The following EHMT2 variants were observed in gnomAD, a reference collection of about 807,000 sequenced individuals.
The protein encoded by EHMT2 is histone-lysine N-methyltransferase EHMT2.
In EHMT2, 59 loss-of-function variants were observed where a neutral mutation model predicts 143.3. That is an observed-to-expected ratio of 0.41 (90% CI 0.33 to 0.51). EHMT2 has a LOEUF of 0.51. Among genes scored for constraint, EHMT2 ranks in the 20% least tolerant of loss-of-function variants. The pLI is 0.18. For synonymous variants in EHMT2, 604 were observed against 651.5 expected, an observed-to-expected ratio of 0.93 and a Z score of 1.11; for missense variants, 1,174 against 1,645.9, an observed-to-expected ratio of 0.71 and a Z score of 4.96.
rs1283726740 is a variant in EHMT2, at chr6:31,880,821, GGGCATCTAT to G, written c.3295_3303del (p.Ile1099_Ala1101del). 1 of 1,613,662 alleles carries G rather than the reference GGGCATCTAT, an allele frequency of 6.2e-7. No individual in the cohort carries two copies. Among genetic ancestry groups the G allele is most frequent in the Non-Finnish European group, 8.5e-7 (1 of 1,180,006 alleles). ...AAGCGGCTGATGTTGCCATAGTAAC[GGGCATCTAT>G]GCAGTACACCTCTCCATCCTGGGGC... is the stretch of plus-strand genomic sequence containing the variant. On this transcript the variant is annotated inframe_deletion, in exon 27 of 28. Coordinates refer to ENST00000375537, the Ensembl canonical transcript of EHMT2. This position sits in a 1 kb window ranked among gnomAD's most constrained non-coding sequence, Gnocchi z 6.6.
At chr6:31,896,987 C>T (rs1199219747) in exon 2 of EHMT2, 2 of 1,568,174 alleles carry the variant, frequency 1.3e-6, no homozygotes, top group Admixed American at 2.0e-5. Context: ...CGGGGGCCTC[C>T]CCCTGGGAGG....
intron 1 of EHMT2, chr6:31,897,247 CGCCCCGG>C: frequency 9.1e-7 from 1 of 1,097,932 alleles, no homozygotes; most frequent in Non-Finnish European, 1.2e-6. Context: ...GGGGCCTCCG[CGCCCCGG>C]CCCCGCCCCC....
In EHMT2 at chr6:31,881,221, G is replaced by A. The variant is rs1764061925; in HGVS notation, c.3198-129C>T. 3.7e-6 allele frequency: 3 copies of A among 800,300 alleles called. No homozygotes were observed. The highest frequency in any genetic ancestry group is 6.4e-6 in the Non-Finnish European group (3 of 465,864). 49.6% of individuals were successfully genotyped at this position (800,300 alleles called of 1,614,324 possible). On this transcript the variant is annotated intron_variant, in intron 25 of 27. Transcript: ENST00000375537. This position sits in a 1 kb window ranked among gnomAD's most constrained non-coding sequence, Gnocchi z 4.8. ...GGCTGGCAGGTGTGGGGAAGGGAAG[G>A]CCTGGAGCAGCAGTGGTGGGCAAGT...
chr6:31,892,175 GA>G, intron 7 of EHMT2, among the ~76,000 whole-genome samples: 1 of 152,324 alleles, frequency 6.6e-6, no homozygotes, highest in East Asian at 1.9e-4. Flanking sequence ...CCTGGAGACA[GA>G]GGTTGCAGTG....
intron 7 of EHMT2, among the ~76,000 whole-genome samples, chr6:31,890,519 G>C (rs1765544834): frequency 6.6e-6 from 1 of 150,818 alleles, no homozygotes; most frequent in South Asian, 2.1e-4. Context: ...CCAAAGTGCT[G>C]GGATTACAGG....
intron 1 of EHMT2, 21 bp downstream of exon 1, chr6:31,897,615 T>G: frequency 7.0e-6 from 8 of 1,140,918 alleles, no homozygotes; most frequent in Non-Finnish European, 8.6e-6. Flanking sequence ...TGCACCCGCC[T>G]CTCCCCCTCC....
At chr6:31,896,267 C>A (rs771964671) in exon 4 of EHMT2, 3 of 1,611,564 alleles carry the variant, frequency 1.9e-6, no homozygotes, top group East Asian at 4.5e-5. Flanking sequence ...ACTCACCTGT[C>A]CATTTCCTGG....
At position 31,880,648 on chromosome 6, in the gene EHMT2, C is replaced by T. The variant is rs1345529535; in HGVS notation, c.3452+25G>A. The T allele has an allele frequency of 6.2e-7, 1 of 1,610,174 alleles. No individual in the cohort carries two copies. The highest frequency in any genetic ancestry group is 2.2e-5 in the East Asian group (1 of 44,828). ...CTGCATCTCCCACCCCCTGGCAGAG[C>T]CCCTAGAGACCCCTAGAGTCTCACC... On this transcript the variant is annotated intron_variant, in intron 27 of 27. Transcript: ENST00000375537. The surrounding 1 kb of genome is among the most constrained non-coding windows in gnomAD (Gnocchi z 6.6).
chr6:31,880,882 C>A lies in EHMT2; in HGVS notation c.3277-34G>T. ...GGGGGATGGCACTCTTCACATCTCC[C>A]CCGACCCTGCTTGCCCTCCCCACCC... is the stretch of plus-strand genomic sequence containing the variant. On this transcript the variant is annotated intron_variant, in intron 26 of 27. Transcript: ENST00000375537. This position sits in a 1 kb window ranked among gnomAD's most constrained non-coding sequence, Gnocchi z 6.6. 6.2e-7 allele frequency: 1 copy of A among 1,611,812 alleles called. No homozygotes were observed. The highest frequency in any genetic ancestry group is 1.1e-5 in the South Asian group (1 of 91,036).
chr6:31,895,376 T>A (rs985656287), intron 4 of EHMT2: 2 of 151,984 alleles, frequency 1.3e-5, no homozygotes, highest in African/African-American at 2.4e-5. Flanking sequence ...TTTTAAAAAA[T>A]TTTTATCTTT....
chr6:31,892,636 CT>C, intron 6 of EHMT2, 57 bp downstream of exon 6: 1 of 1,612,922 alleles, frequency 6.2e-7, no homozygotes, highest in Non-Finnish European at 8.5e-7. Context: ...GCAGCCCCAC[CT>C]CTGACCCTCC....
At chr6:31,897,691 G>A (rs911416432), upstream of EHMT2, 7 of 1,096,156 alleles carry the variant, frequency 6.4e-6, no homozygotes, top group African/African-American at 6.6e-5. Flanking sequence ...CGCTTGCGCT[G>A]GGGGCCGAGC....
At position 31,888,351 on chromosome 6, in the gene EHMT2, C is replaced by A. The variant is rs1419091054; in HGVS notation, c.1509+12G>T. On this transcript the variant is annotated intron_variant, in intron 12 of 27. Transcript: ENST00000375537. This position sits in a 1 kb window ranked among gnomAD's most constrained non-coding sequence, Gnocchi z 7.4. ...CAGGGCATGCTACCTGTCTGCCCCA[C>A]TGGTCACTCACCGCCGTGCAGAAGT... 1.2e-6 allele frequency: 2 copies of A among 1,612,072 alleles called. No individual in the cohort carries two copies. Among genetic ancestry groups the A allele is most frequent in the Non-Finnish European group, 1.7e-6 (2 of 1,179,570 alleles).
Position 31,881,276 on chromosome 6 carries a change from G to T in EHMT2, c.3198-184C>A, listed in dbSNP as rs1402428967. The T allele has an allele frequency of 1.5e-6, 1 of 649,446 alleles. No homozygotes were observed. Among genetic ancestry groups the T allele is most frequent in the Non-Finnish European group, 2.8e-6 (1 of 359,998 alleles). 40.2% of individuals were successfully genotyped at this position (649,446 alleles called of 1,614,324 possible). On this transcript the variant is annotated intron_variant, in intron 25 of 27. Transcript: ENST00000375537. The surrounding 1 kb of genome is among the most constrained non-coding windows in gnomAD (Gnocchi z 4.8). ...GGGCAGCATTCCAGCCTTGACAGAG[G>T]AAGCCTTCAGTCAGCACAGAGACAG...
chr6:31,881,559 G>A lies in EHMT2; in HGVS notation c.3198-467C>T, dbSNP rs1241333189. 4.5e-6 allele frequency: 1 copy of A among 220,148 alleles called. No homozygotes were observed. The allele number at this position is 220,148 out of a possible 1,614,324, so 13.6% of individuals were successfully genotyped here. A position where few individuals can be genotyped will look rare whatever the true frequency, so the allele number is the denominator to read the frequency against. On this transcript the variant is annotated intron_variant, in intron 25 of 27. Coordinates refer to ENST00000375537, the Ensembl canonical transcript of EHMT2. The surrounding 1 kb of genome is among the most constrained non-coding windows in gnomAD (Gnocchi z 4.8). Reference sequence around the variant, plus strand: ...AGGAGAGGAGCCAGCTATCTAAGGAGGGTGAGCAGACATGGGAGATTCAGA... The same window carrying A: ...AGGAGAGGAGCCAGCTATCTAAGGAAGGTGAGCAGACATGGGAGATTCAGA...
chr6:31,889,075 CACAGAG>C lies in EHMT2; in HGVS notation c.1115-11_1115-6del. 1 of 1,600,200 alleles carries C rather than the reference CACAGAG, an allele frequency of 6.2e-7. No homozygotes were observed. Among genetic ancestry groups the C allele is most frequent in the East Asian group, 2.2e-5 (1 of 44,522 alleles). On this transcript the variant is annotated splice_polypyrimidine_tract_variant and splice_region_variant and intron_variant, in intron 9 of 27. Coordinates refer to ENST00000375537, the Ensembl canonical transcript of EHMT2. The surrounding 1 kb of genome is among the most constrained non-coding windows in gnomAD (Gnocchi z 5.1). ...AGGAGCCCACACCATTCACTCCTGA[CACAGAG>C]ACAGAGAGAGTGAGAGTGCGAGCTC...
rs1055195700 is a variant in EHMT2 at position 31,883,234 on chromosome 6, C to G, written c.2994+128G>C. The G allele has an allele frequency of 2.9e-6, 3 of 1,050,676 alleles. No homozygotes were observed. Among genetic ancestry groups the G allele is most frequent in the Non-Finnish European group, 4.3e-6 (3 of 705,422 alleles). 65.1% of individuals were successfully genotyped at this position (1,050,676 alleles called of 1,614,324 possible). A position where few individuals can be genotyped will look rare whatever the true frequency, so the allele number is the denominator to read the frequency against. On this transcript the variant is annotated intron_variant, in intron 23 of 27. Coordinates refer to ENST00000375537, the Ensembl canonical transcript of EHMT2. This position sits in a 1 kb window ranked among gnomAD's most constrained non-coding sequence, Gnocchi z 5.6. ...CATCCCAGGATTCCCAGGCCTTGCC[C>G]AGTCCTCTCAGTCACTTCCCCCACA... is the stretch of plus-strand genomic sequence containing the variant.
intron 4 of EHMT2, chr6:31,895,274 A>G (rs1243318918): frequency 6.6e-6 from 1 of 152,244 alleles, no homozygotes; most frequent in East Asian, 1.9e-4. Context: ...GACAAAGAAC[A>G]ATGTATAGCA....
chr6:31,896,823 A>T (rs1766540937), exon 3 of EHMT2: 2 of 1,612,762 alleles, frequency 1.2e-6, no homozygotes, highest in Non-Finnish European at 1.7e-6. Context: ...AAGAGCCATG[A>T]ACTGTAGAGG....
Sources: allele counts gnomAD v4.1 joint callset (sites outside exome capture counted in the v4.1 genomes callset), GRCh38; gene constraint gnomAD v4.1.1; non-coding constraint Gnocchi (gnomAD v3.1); transcripts MANE v1.5; gene names NCBI Gene and HGNC (gene_info 2026-07-23, HGNC 2026-07-21).